HRH2: variants seen among roughly 807,000 people sequenced by gnomAD.
HRH2 encodes histamine receptor H2.
In HRH2, 4 loss-of-function variants were observed where a neutral mutation model predicts 20.1. That is an observed-to-expected ratio of 0.20 (90% CI 0.10 to 0.45). HRH2 has a LOEUF of 0.45. HRH2 is among the 20% of genes least tolerant of loss of function. The probability of loss-of-function intolerance (pLI) is 0.99; values close to 1 mark genes in which losing one functional copy is unlikely to be tolerated. For missense variants in HRH2, 250 were observed against 461.6 expected, an observed-to-expected ratio of 0.54 and a Z score of 4.20; for synonymous variants, 197 against 200.7, an observed-to-expected ratio of 0.98 and a Z score of 0.16.
intron 1 of HRH2, among the ~76,000 whole-genome samples, chr5:175,673,263 G>A (rs34802278): frequency 0.042 from 6,371 of 152,176 alleles, 186 homozygotes; most frequent in Middle Eastern, 0.095. Context: ...ATGCATGTGC[G>A]CGTTTCACAG....
chr5:175,672,889 C>T (rs1460590694), intron 1 of HRH2, among the ~76,000 whole-genome samples: 1 of 152,158 alleles, frequency 6.6e-6, no homozygotes, highest in African/African-American at 2.4e-5. Flanking sequence ...ACGGGAATGT[C>T]CAGGTCATCA....
chr5:175,659,597 A>G (rs571717965), intron 1 of HRH2, among the ~76,000 whole-genome samples: 2 of 152,284 alleles, frequency 1.3e-5, no homozygotes, highest in African/African-American at 4.8e-5. Context: ...CCAGAGGTAA[A>G]TGATTGCCAT....
At position 175,676,700 on chromosome 5, in the gene HRH2, G is replaced by C. The variant is rs143049310; in HGVS notation, c.-525-6009G>C. 8.6e-3 allele frequency among the ~76,000 whole-genome samples: 1,304 copies of C among 152,262 alleles called. 21 individuals carry two copies. The highest frequency in any genetic ancestry group is 0.03 in the African/African-American group (1,234 of 41,546). Reference sequence around the variant, plus strand: ...ATCTATCACCCAAATAATGTATATCGTACTTATTAAGTAATTTCTTATCAC... The same window carrying C: ...ATCTATCACCCAAATAATGTATATCCTACTTATTAAGTAATTTCTTATCAC... On this transcript the variant is annotated intron_variant, in intron 1 of 2. Coordinates refer to ENST00000636584, the MANE Select transcript of HRH2 (RefSeq NM_001367711.1).
chr5:175,707,122 C>A (rs1251161057), intron 2 of HRH2, among the ~76,000 whole-genome samples: 1 of 152,150 alleles, frequency 6.6e-6, no homozygotes, highest in Non-Finnish European at 1.5e-5. Context: ...TGAATTCTTT[C>A]AGGAGTAGGA....
chr5:175,658,635 GC>G (rs1762639641), intron 1 of HRH2, among the ~76,000 whole-genome samples: 1 of 152,182 alleles, frequency 6.6e-6, no homozygotes, highest in Non-Finnish European at 1.5e-5. Context: ...GAGAGCGGGG[GC>G]TGCTGGGGAG....
intron 1 of HRH2, among the ~76,000 whole-genome samples, chr5:175,668,006 C>T (rs1435297591): frequency 1.3e-5 from 2 of 152,194 alleles, no homozygotes; most frequent in African/African-American, 4.8e-5. Flanking sequence ...TGGGGTTCAT[C>T]ATTCTCTCCT....
In HRH2 at chr5:175,706,609, T is replaced by C. The variant is rs1336564337; in HGVS notation, c.1077-1170T>C. The stretch of plus-strand genomic sequence containing the variant: ...GCAAATACCTGCCTGCTTGGTCAAA[T>C]ATGTACACTGCTAACATGGTAAAGG... On this transcript the variant is annotated intron_variant, in intron 2 of 2. Coordinates refer to ENST00000636584, the MANE Select transcript of HRH2 (RefSeq NM_001367711.1). Among the ~76,000 whole-genome samples, 8 of 152,150 alleles carry C rather than the reference T, an allele frequency of 5.3e-5. No homozygotes were observed. In the East Asian group the frequency reaches 1.2e-3, roughly 22 times the overall value.
At chr5:175,664,434 CAG>C (rs1561718431) in intron 1 of HRH2, among the ~76,000 whole-genome samples, 1 of 152,164 alleles carries the variant, frequency 6.6e-6, no homozygotes, top group East Asian at 1.9e-4. Context: ...CAGATAGACA[CAG>C]AGCGTCTGGG....
At chr5:175,701,259 G>A (rs530024803) in intron 2 of HRH2, among the ~76,000 whole-genome samples, 62 of 152,232 alleles carry the variant, frequency 4.1e-4, no homozygotes, top group African/African-American at 1.4e-3. Flanking sequence ...GTAAAAACAC[G>A]GGAGTCAGAT....
intron 2 of HRH2, among the ~76,000 whole-genome samples, chr5:175,696,086 C>T (rs1209389273): frequency 1.3e-5 from 2 of 152,238 alleles, no homozygotes; most frequent in Non-Finnish European, 2.9e-5. Context: ...GCCTGCCTCA[C>T]AGGGCTGGGA....
In HRH2 at chr5:175,709,893, C is replaced by T. The variant is rs1757044934; in HGVS notation, c.*1922C>T. ...GTGCTGGGACCCTGCTGGGCCCTCTCCAGCCTCCCCCTGCGCCAGGCCTCC... is the reference window on the plus strand; with the variant it reads ...GTGCTGGGACCCTGCTGGGCCCTCTTCAGCCTCCCCCTGCGCCAGGCCTCC... On this transcript the variant is annotated 3_prime_UTR_variant, in exon 3 of 3. Transcript: ENST00000636584. 1 of 152,916 alleles carries T rather than the reference C, an allele frequency of 6.5e-6. No individual in the cohort carries two copies. The highest frequency in any genetic ancestry group is 2.1e-4 in the South Asian group (1 of 4,850). The allele number at this position is 152,916 out of a possible 1,614,324, so 9.5% of individuals were successfully genotyped here.
rs1222950066 is a variant in HRH2, at chr5:175,708,648, A to G, written c.*677A>G. ...ACAAAAATATGTGTTGAATGGGTGAATGAATGAGAGAACGGGTGAAAAGCC... is the reference window on the plus strand; with the variant it reads ...ACAAAAATATGTGTTGAATGGGTGAGTGAATGAGAGAACGGGTGAAAAGCC... On this transcript the variant is annotated 3_prime_UTR_variant, in exon 3 of 3. Transcript: ENST00000636584. 6.6e-6 allele frequency: 1 copy of G among 152,338 alleles called. No individual in the cohort carries two copies. The highest frequency in any genetic ancestry group is 1.5e-5 in the Non-Finnish European group (1 of 68,124). 9.4% of individuals were successfully genotyped at this position (152,338 alleles called of 1,614,324 possible).
chr5:175,701,318 G>T (rs1756781669), intron 2 of HRH2, among the ~76,000 whole-genome samples: 1 of 152,158 alleles, frequency 6.6e-6, no homozygotes, highest in Non-Finnish European at 1.5e-5. Context: ...TCTCTTAACT[G>T]CAAGGAGCAG....
rs938164982 is a variant in HRH2 at position 175,660,393 on chromosome 5, C to T, written c.-526+2238C>T. Among the ~76,000 whole-genome samples, 45 of 152,112 alleles carry T rather than the reference C, an allele frequency of 3.0e-4. 1 individual carries two copies. The highest frequency in any genetic ancestry group is 2.4e-5 in the African/African-American group (1 of 41,404). ...ACAGTAGGGAATCAAAATTATGGAA[C>T]GCCCATGTGACCACCAAAAGTTGAG... On this transcript the variant is annotated intron_variant, in intron 1 of 2. Coordinates refer to ENST00000636584, the MANE Select transcript of HRH2 (RefSeq NM_001367711.1).
intron 1 of HRH2, among the ~76,000 whole-genome samples, chr5:175,670,353 A>G (rs1755483501): frequency 6.6e-6 from 1 of 152,238 alleles, no homozygotes. Context: ...CTTAAAAAAA[A>G]TTGATAAACA....
chr5:175,690,529 T>C (rs1756333243), intron 2 of HRH2, among the ~76,000 whole-genome samples: 1 of 151,064 alleles, frequency 6.6e-6, no homozygotes, highest in Admixed American at 6.5e-5. Context: ...TTTTTCTTGT[T>C]CCTGTCTGTC....
intron 1 of HRH2, among the ~76,000 whole-genome samples, chr5:175,667,745 T>C (rs561938811): frequency 6.4e-4 from 98 of 152,306 alleles, no homozygotes; most frequent in South Asian, 6.0e-3. Context: ...AATTTTGTTG[T>C]GACATAATTT....
At chr5:175,664,128 C>A (rs1762819783) in intron 1 of HRH2, among the ~76,000 whole-genome samples, 1 of 152,176 alleles carries the variant, frequency 6.6e-6, no homozygotes, top group Admixed American at 6.5e-5. Flanking sequence ...CTTTGACCTG[C>A]CACCCAACCT....
At chr5:175,689,094 C>G (rs757259415) in intron 2 of HRH2, among the ~76,000 whole-genome samples, 1 of 152,206 alleles carries the variant, frequency 6.6e-6, no homozygotes, top group African/African-American at 2.4e-5. Flanking sequence ...GCCCAGCATC[C>G]CAACTGGCCC....
Sources: gnomAD v4.1 joint callset for allele counts (sites outside exome capture counted in the v4.1 genomes callset) on GRCh38, gnomAD v4.1.1 for gene constraint, MANE v1.5 for transcripts, NCBI Gene and HGNC (gene_info 2026-07-23, HGNC 2026-07-21) for gene names.